Variants in FRAS1 observed in about 807,000 individuals in gnomAD.
FRAS1 encodes extracellular matrix organizing protein FRAS1.
In FRAS1, 290 loss-of-function variants were observed where a neutral mutation model predicts 435.2. The ratio of observed to expected loss-of-function variants is 0.67; its 90% CI spans 0.61 to 0.73. FRAS1 has a LOEUF of 0.73. FRAS1 is among the 30% of genes least tolerant of loss of function. The pLI is 0.00. For synonymous variants in FRAS1, 1,800 were observed against 1,851.0 expected, an observed-to-expected ratio of 0.97 and a Z score of 0.71; for missense variants, 4,860 against 5,001.5, an observed-to-expected ratio of 0.97 and a Z score of 0.85.
rs1031980282 is a variant in FRAS1 at position 78,058,146 on chromosome 4, G to T, written c.76+61G>T. 8.4e-6 allele frequency: 12 copies of T among 1,431,702 alleles called. 1 individual carries two copies. Among genetic ancestry groups the T allele is most frequent in the East Asian group, 2.3e-5 (1 of 42,942 alleles). The allele number at this position is 1,431,702 out of a possible 1,614,324, so 88.7% of individuals were successfully genotyped here. A position where few individuals can be genotyped will look rare whatever the true frequency, so the allele number is the denominator to read the frequency against. On this transcript the variant is annotated intron_variant, in intron 1 of 73. Coordinates refer to ENST00000512123, the MANE Select transcript of FRAS1 (RefSeq NM_025074.7). ...CGTGTGCGTGTGTGTGTGTATGTGT[G>T]AGTGATCGTGCAGTTTAAAAATCTC...
At chr4:78,077,546 A>G (rs1254793719) in intron 2 of FRAS1, among the ~76,000 whole-genome samples, 1 of 151,578 alleles carries the variant, frequency 6.6e-6, no homozygotes, top group Non-Finnish European at 1.5e-5. Flanking sequence ...CACCAGAATA[A>G]TGTGCATTGT....
intron 20 of FRAS1, chr4:78,338,072 T>C (rs929583150): frequency 4.5e-6 from 2 of 443,974 alleles, no homozygotes; most frequent in African/African-American, 4.0e-5. Flanking sequence ...AATGAAGTGA[T>C]GATAATAGCA....
intron 35 of FRAS1, among the ~76,000 whole-genome samples, chr4:78,426,347 C>T (rs1733996917): frequency 6.6e-6 from 1 of 152,036 alleles, no homozygotes; most frequent in African/African-American, 2.4e-5. Context: ...GATCTTGAAC[C>T]TATTATACAG....
intron 14 of FRAS1, among the ~76,000 whole-genome samples, chr4:78,299,579 T>G: frequency 6.6e-6 from 1 of 152,196 alleles, no homozygotes. Flanking sequence ...TGTGCTTTAA[T>G]TTCTTATCTC....
chr4:78,466,819 T>C (rs879693440), intron 50 of FRAS1, among the ~76,000 whole-genome samples: 13 of 152,194 alleles, frequency 8.5e-5, no homozygotes, highest in Non-Finnish European at 1.5e-4. Flanking sequence ...AGATTGTTTT[T>C]CTCTTTTTGG....
intron 2 of FRAS1, among the ~76,000 whole-genome samples, chr4:78,111,685 T>C (rs1249010404): frequency 8.2e-6 from 1 of 121,646 alleles, no homozygotes; most frequent in Non-Finnish European, 1.7e-5. Flanking sequence ...CGCACCAGCA[T>C]GGCACATGTA....
chr4:78,533,632 T>G lies in FRAS1; in HGVS notation c.10926-817T>G, dbSNP rs571079698. Among the ~76,000 whole-genome samples the G allele has an allele frequency of 2.0e-5, 3 of 152,346 alleles. No homozygotes were observed. In the East Asian group the frequency reaches 5.8e-4, roughly 29 times the overall value. ...TAGCCTAGACAGAACTAATAGTGAC[T>G]CCAGGGAGAACACTTAAGGTGCTGG... On this transcript the variant is annotated intron_variant, in intron 70 of 73. Coordinates refer to ENST00000512123, the MANE Select transcript of FRAS1 (RefSeq NM_025074.7).
intron 50 of FRAS1, among the ~76,000 whole-genome samples, chr4:78,468,646 C>T (rs1236047422): frequency 1.3e-5 from 2 of 152,196 alleles, no homozygotes; most frequent in African/African-American, 2.4e-5. Context: ...TGTTGATTCC[C>T]CTTCCATTCC....
intron 2 of FRAS1, among the ~76,000 whole-genome samples, chr4:78,118,561 T>C (rs769766420): frequency 5.3e-5 from 8 of 152,260 alleles, no homozygotes; most frequent in Middle Eastern, 3.4e-3. Flanking sequence ...TGCAGTTTGA[T>C]CTCAGACTGC....
chr4:78,439,152 G>C, intron 40 of FRAS1, 88 bp downstream of exon 40: 1 of 1,158,810 alleles, frequency 8.6e-7, no homozygotes, highest in Non-Finnish European at 1.2e-6. Context: ...GCCTAAATTG[G>C]CTGCCAAATA....
At chr4:78,452,543 T>C (rs1466410110) in intron 47 of FRAS1, among the ~76,000 whole-genome samples, 189 bp downstream of exon 47, 3 of 152,236 alleles carry the variant, frequency 2.0e-5, no homozygotes, top group African/African-American at 7.2e-5. Flanking sequence ...TAATGATTAC[T>C]TACTGAAGGT....
At chr4:78,425,425 A>G (rs920847028) in intron 35 of FRAS1, among the ~76,000 whole-genome samples, 9 of 152,220 alleles carry the variant, frequency 5.9e-5, no homozygotes, top group Non-Finnish European at 1.2e-4. Flanking sequence ...GTTTAGGTCT[A>G]TAGTGAGGAT....
At chr4:78,103,746 TGGGCC>T (rs1402908103) in intron 2 of FRAS1, among the ~76,000 whole-genome samples, 1 of 152,186 alleles carries the variant, frequency 6.6e-6, no homozygotes, top group Non-Finnish European at 1.5e-5. Context: ...TATGAGAAAG[TGGGCC>T]GTCACTAGAC....
intron 32 of FRAS1, among the ~76,000 whole-genome samples, chr4:78,414,539 T>G (rs1170405049): frequency 6.6e-6 from 1 of 152,250 alleles, no homozygotes; most frequent in Non-Finnish European, 1.5e-5. Flanking sequence ...ATTAGGGCCA[T>G]TATGATAGGA....
Position 78,161,812 on chromosome 4 carries a change from A to G in FRAS1, c.109-75698A>G, listed in dbSNP as rs184108505. Among the ~76,000 whole-genome samples, 6 of 151,288 alleles carry G rather than the reference A, an allele frequency of 4.0e-5. No individual in the cohort carries two copies. The East Asian group carries it at 1.2e-3, about 29-fold the overall frequency. On this transcript the variant is annotated intron_variant, in intron 2 of 73. Coordinates refer to ENST00000512123, the MANE Select transcript of FRAS1 (RefSeq NM_025074.7). ...AGAAAGTGCTCTCCTACAAAATCCT[A>G]ACTTCTGAAATTTCATCTAGTGCCT... is the stretch of plus-strand genomic sequence containing the variant.
chr4:78,243,043 C>G (rs1725074125), intron 3 of FRAS1, among the ~76,000 whole-genome samples: 1 of 152,264 alleles, frequency 6.6e-6, no homozygotes, highest in African/African-American at 2.4e-5. Flanking sequence ...GCTATCCTGT[C>G]TAAGGATTTC....
intron 19 of FRAS1, among the ~76,000 whole-genome samples, chr4:78,333,681 G>A (rs1359624914): frequency 1.3e-5 from 2 of 152,180 alleles, no homozygotes. Flanking sequence ...GTTTTCTCTT[G>A]CCTGGAAGAC....
At chr4:78,422,182 T>C (rs930389817) in intron 34 of FRAS1, among the ~76,000 whole-genome samples, 182 bp downstream of exon 34, 6 of 151,990 alleles carry the variant, frequency 3.9e-5, no homozygotes. Flanking sequence ...CTTTTTTTTT[T>C]CCATTTATTC....
intron 35 of FRAS1, among the ~76,000 whole-genome samples, chr4:78,428,408 C>T (rs1165743988): frequency 1.3e-5 from 2 of 152,114 alleles, no homozygotes; most frequent in African/African-American, 2.4e-5. Flanking sequence ...CTGCAAGCTC[C>T]GCCTCCCAGG....
Sources: allele counts gnomAD v4.1 joint callset (sites outside exome capture counted in the v4.1 genomes callset), GRCh38; gene constraint gnomAD v4.1.1; transcripts MANE v1.5; gene names NCBI Gene and HGNC (gene_info 2026-07-23, HGNC 2026-07-21).